Variants in TMEM150C observed in about 807,000 individuals in gnomAD.
TMEM150C encodes the protein transmembrane protein 150C, also known as tentonin 3.
TMEM150C carries 10 observed loss-of-function variants against 29.9 expected under a neutral mutation model. The ratio of observed to expected loss-of-function variants is 0.33; its 90% confidence interval spans 0.21 to 0.57. The LOEUF (loss-of-function observed/expected upper bound fraction) is 0.57, where lower values mean the gene tolerates loss of function less well. TMEM150C is among the 20% of genes least tolerant of loss of function. The probability of loss-of-function intolerance (pLI) is 0.88; values close to 1 mark genes in which losing one functional copy is unlikely to be tolerated. For synonymous variants in TMEM150C, 101 were observed against 112.5 expected, an observed-to-expected ratio of 0.90 and a Z score of 0.64; for missense variants, 251 against 303.6, an observed-to-expected ratio of 0.83 and a Z score of 1.29.
At chr4:82,549,883 G>GAGGT (rs939675046) in intron 1 of TMEM150C, among the ~76,000 whole-genome samples, 1 of 152,174 alleles carries the variant, frequency 6.6e-6, no homozygotes, top group Non-Finnish European at 1.5e-5. Flanking sequence ...AGAGCAGAGA[G>GAGGT]AGGTACAGGA....
chr4:82,557,577 C>G (rs1005365193), intron 1 of TMEM150C, among the ~76,000 whole-genome samples: 2 of 152,018 alleles, frequency 1.3e-5, no homozygotes, highest in Admixed American at 6.5e-5. Flanking sequence ...AACACCGACA[C>G]GAGGGGCCAG....
chr4:82,531,216 A>G (rs1328556686), intron 1 of TMEM150C, among the ~76,000 whole-genome samples: 1 of 152,192 alleles, frequency 6.6e-6, no homozygotes, highest in East Asian at 1.9e-4. Context: ...GCCTGAAGAA[A>G]CCCGTCTGGA....
At chr4:82,550,475 ATGAAAAAATAGAT>A (rs2110092271) in intron 1 of TMEM150C, among the ~76,000 whole-genome samples, 1 of 152,312 alleles carries the variant, frequency 6.6e-6, no homozygotes, top group South Asian at 2.1e-4. Flanking sequence ...AGAGGTCTCA[ATGAAAAAATAGAT>A]TGAGGAGTAG....
intron 5 of TMEM150C, among the ~76,000 whole-genome samples, chr4:82,497,647 T>TTAA (rs1215552299): frequency 6.6e-6 from 1 of 152,236 alleles, no homozygotes; most frequent in Non-Finnish European, 1.5e-5. Flanking sequence ...TATCTTTCAG[T>TTAA]ATATGCTTCA....
At chr4:82,511,167 C>T (rs1230842818) in intron 1 of TMEM150C, among the ~76,000 whole-genome samples, 2 of 152,110 alleles carry the variant, frequency 1.3e-5, no homozygotes, top group African/African-American at 2.4e-5. Flanking sequence ...TCCCTCCATC[C>T]GCAGATATAA....
chr4:82,487,257 T>C (rs767242268), intron 7 of TMEM150C, among the ~76,000 whole-genome samples: 29 of 152,304 alleles, frequency 1.9e-4, no homozygotes, highest in Non-Finnish European at 3.7e-4. Context: ...GAGACCAGCC[T>C]GGGCAACATG....
chr4:82,522,207 T>A (rs904145076), intron 1 of TMEM150C, among the ~76,000 whole-genome samples: 2 of 152,198 alleles, frequency 1.3e-5, no homozygotes, highest in Non-Finnish European at 2.9e-5. Context: ...TTGGGAGTCC[T>A]CTGGTCTGAA....
chr4:82,494,784 T>A (rs1276203167), intron 6 of TMEM150C: 2 of 42,538 alleles, frequency 4.7e-5, no homozygotes, highest in Admixed American at 2.3e-4. Flanking sequence ...ATGTTCCTAA[T>A]TTTTTTTTTT....
intron 7 of TMEM150C, among the ~76,000 whole-genome samples, chr4:82,486,550 T>C: frequency 6.6e-6 from 1 of 152,096 alleles, no homozygotes; most frequent in East Asian, 1.9e-4. Context: ...CAATACTGTA[T>C]AGACCAGTTT....
At chr4:82,497,676 T>C (rs189412494) in intron 5 of TMEM150C, among the ~76,000 whole-genome samples, 2 of 152,226 alleles carry the variant, frequency 1.3e-5, no homozygotes, top group African/African-American at 4.8e-5. Context: ...CGACTATTGA[T>C]CAGAAAATTA....
intron 6 of TMEM150C, chr4:82,491,089 C>CA: frequency 2.8e-6 from 2 of 708,568 alleles, no homozygotes. Flanking sequence ...CAGCAAGAGA[C>CA]CCCCATTTTA....
At chr4:82,540,924 GA>G (rs1317801476) in intron 1 of TMEM150C, among the ~76,000 whole-genome samples, 1 of 152,122 alleles carries the variant, frequency 6.6e-6, no homozygotes, top group African/African-American at 2.4e-5. Flanking sequence ...TAGATCTTGT[GA>G]ACTTATTCTT....
At chr4:82,531,454 C>T (rs2110083031) in intron 1 of TMEM150C, among the ~76,000 whole-genome samples, 1 of 151,986 alleles carries the variant, frequency 6.6e-6, no homozygotes, top group Admixed American at 6.6e-5. Context: ...GGAATGGAGG[C>T]TGAAAAAGTG....
intron 1 of TMEM150C, among the ~76,000 whole-genome samples, chr4:82,505,629 TC>T (rs1723894006): frequency 6.6e-6 from 1 of 152,218 alleles, no homozygotes; most frequent in Admixed American, 6.5e-5. Context: ...TGAACTTTTC[TC>T]ATGACATGTT....
chr4:82,529,259 C>T (rs1375696221), intron 1 of TMEM150C, among the ~76,000 whole-genome samples: 25 of 149,522 alleles, frequency 1.7e-4, no homozygotes, highest in South Asian at 2.1e-4. Flanking sequence ...CCCTCCCTCC[C>T]TCTCTCCCTC....
chr4:82,498,103 C>G (rs1465674474), intron 5 of TMEM150C, among the ~76,000 whole-genome samples: 1 of 152,066 alleles, frequency 6.6e-6, no homozygotes, highest in East Asian at 1.9e-4. Flanking sequence ...AAACCTCCAC[C>G]TCCTGGGTTC....
chr4:82,536,587 G>A (rs1477541352), intron 1 of TMEM150C, among the ~76,000 whole-genome samples: 1 of 151,654 alleles, frequency 6.6e-6, no homozygotes, highest in African/African-American at 2.4e-5. Flanking sequence ...AAAAAACAAA[G>A]AATGAACAGC....
Position 82,493,266 on chromosome 4 carries a change from CAT to C in TMEM150C, c.363+2800_363+2801del, listed in dbSNP as rs201278925. On this transcript the variant is annotated intron_variant, in intron 6 of 7. Coordinates refer to ENST00000449862, the MANE Select transcript of TMEM150C (RefSeq NM_001080506.3). ...ATGTTTTCTCTCACAGTTCAAAAGA[CAT>C]ATTTTCAAAATTATTTAAAATAATG... Among the ~76,000 whole-genome samples, 320 of 151,986 alleles carry C rather than the reference CAT, an allele frequency of 2.1e-3. 4 individuals are homozygous for C. The highest frequency in any genetic ancestry group is 9.2e-3 in the Admixed American group (141 of 15,256).
rs143973704 is a variant in TMEM150C, at chr4:82,531,902, G to A, written c.-10-27235C>T. Among the ~76,000 whole-genome samples, 830 of 152,226 alleles carry A rather than the reference G, an allele frequency of 5.5e-3. 9 individuals are homozygous for A. Among genetic ancestry groups the A allele is most frequent in the African/African-American group, 0.018 (766 of 41,540 alleles). ...TTAGAGTTCAACCAGGACTAGCACT[G>A]AGAGGAGTCTGCTGGATTTAGCAAT... On this transcript the variant is annotated intron_variant, in intron 1 of 7. Transcript: ENST00000449862.
Sources: gnomAD v4.1 joint callset for allele counts (sites outside exome capture counted in the v4.1 genomes callset) on GRCh38, gnomAD v4.1.1 for gene constraint, MANE v1.5 for transcripts, NCBI Gene and HGNC (gene_info 2026-07-23, HGNC 2026-07-21) for gene names.